DENND1A: variants seen among roughly 807,000 people sequenced by gnomAD.
DENND1A encodes the protein DENN domain containing 1A.
A neutral mutation model predicts 113.7 loss-of-function variants in DENND1A; 51 were observed. That is an observed-to-expected ratio of 0.45 (90% CI 0.36 to 0.57). The LOEUF (loss-of-function observed/expected upper bound fraction) is 0.57, where lower values mean the gene tolerates loss of function less well. Ranked by LOEUF, DENND1A falls within the 20% of genes least tolerant of loss-of-function variation. DENND1A has a pLI of 0.00. For synonymous variants in DENND1A, 565 were observed against 570.8 expected (o/e 0.99, Z 0.14); for missense variants, 1,258 against 1,395.9 (o/e 0.90, Z 1.57).
intron 19 of DENND1A, among the ~76,000 whole-genome samples, chr9:123,429,853 T>G (rs1314773534): frequency 6.6e-6 from 1 of 152,202 alleles, no homozygotes; most frequent in East Asian, 1.9e-4. Flanking sequence ...AAATGGGATC[T>G]AATTAAATTA....
chr9:123,532,463 T>C (rs1021122218), intron 13 of DENND1A, among the ~76,000 whole-genome samples: 1 of 152,222 alleles, frequency 6.6e-6, no homozygotes, highest in Non-Finnish European at 1.5e-5. Context: ...ACATTAACAT[T>C]TTGAAGAGTA....
At chr9:123,899,553 T>A (rs1488279874) in intron 1 of DENND1A, among the ~76,000 whole-genome samples, 1 of 152,210 alleles carries the variant, frequency 6.6e-6, no homozygotes, top group Non-Finnish European at 1.5e-5. Flanking sequence ...TATCACCTGC[T>A]ACTCCCTGTC....
chr9:123,409,561 C>T (rs1412430832), intron 20 of DENND1A, among the ~76,000 whole-genome samples: 2 of 151,636 alleles, frequency 1.3e-5, no homozygotes, highest in African/African-American at 4.9e-5. Flanking sequence ...GGCAAGACCA[C>T]AGGTTCTAGA....
At chr9:123,475,633 T>C (rs1293262758) in intron 13 of DENND1A, among the ~76,000 whole-genome samples, 2 of 152,254 alleles carry the variant, frequency 1.3e-5, no homozygotes, top group East Asian at 1.9e-4. Flanking sequence ...CAGAGGCTTA[T>C]TTATAAAGCA....
intron 5 of DENND1A, among the ~76,000 whole-genome samples, chr9:123,715,300 T>C (rs988564279): frequency 1.3e-5 from 2 of 152,202 alleles, no homozygotes; most frequent in African/African-American, 4.8e-5. Flanking sequence ...TTATAGACTC[T>C]GGGTTGGCAG....
intron 19 of DENND1A, among the ~76,000 whole-genome samples, chr9:123,435,283 G>A (rs963781310): frequency 6.6e-6 from 1 of 152,126 alleles, no homozygotes; most frequent in African/African-American, 2.4e-5. Context: ...TGCTAGCTCG[G>A]CATCTTCTCC....
intron 19 of DENND1A, among the ~76,000 whole-genome samples, chr9:123,417,126 AG>A (rs977258562): frequency 6.6e-6 from 1 of 152,254 alleles, no homozygotes; most frequent in African/African-American, 2.4e-5. Context: ...CAAAACTCCC[AG>A]GTTACAAGCA....
At chr9:123,421,773 G>A (rs2045325474) in intron 19 of DENND1A, among the ~76,000 whole-genome samples, 1 of 152,164 alleles carries the variant, frequency 6.6e-6, no homozygotes, top group Non-Finnish European at 1.5e-5. Flanking sequence ...AGGGAGTCCA[G>A]GACTCCTTGG....
At chr9:123,551,133 T>C (rs2057019186) in intron 13 of DENND1A, among the ~76,000 whole-genome samples, 1 of 152,222 alleles carries the variant, frequency 6.6e-6, no homozygotes, top group South Asian at 2.1e-4. Context: ...GTTTGACTGA[T>C]ATTGTTAAAT....
intron 13 of DENND1A, among the ~76,000 whole-genome samples, chr9:123,539,566 G>C (rs369825381): frequency 1.3e-5 from 2 of 152,078 alleles, no homozygotes; most frequent in Non-Finnish European, 2.9e-5. Context: ...TGGGATGAAA[G>C]GGGATTCTAG....
intron 12 of DENND1A, among the ~76,000 whole-genome samples, chr9:123,574,611 C>T (rs2058535679): frequency 6.6e-6 from 1 of 152,192 alleles, no homozygotes; most frequent in Admixed American, 6.5e-5. Context: ...TACCCAGTTT[C>T]AGTTTCCCCT....
chr9:123,671,156 C>G, intron 7 of DENND1A, 135 bp downstream of exon 7: 1 of 974,836 alleles, frequency 1.0e-6, no homozygotes, highest in South Asian at 1.4e-5. Flanking sequence ...ATCTTGAACT[C>G]AGAGGTCTCA....
At chr9:123,866,881 C>T (rs961206873) in intron 2 of DENND1A, among the ~76,000 whole-genome samples, 4 of 152,188 alleles carry the variant, frequency 2.6e-5, no homozygotes, top group African/African-American at 9.7e-5. Context: ...ATTTCAAAGT[C>T]TACAGACTGG....
chr9:123,392,519 G>T (rs1435582319), intron 21 of DENND1A, among the ~76,000 whole-genome samples: 3 of 152,076 alleles, frequency 2.0e-5, no homozygotes, highest in Non-Finnish European at 4.4e-5. Context: ...GGCAGGTGCT[G>T]ACGAGCAGGG....
At chr9:123,779,948 G>C (rs115134697) in intron 3 of DENND1A, among the ~76,000 whole-genome samples, 1,577 of 150,018 alleles carry the variant, frequency 0.011, 29 homozygotes, top group African/African-American at 0.036. Flanking sequence ...CTGCAACCCA[G>C]GGTTCAACCG....
chr9:123,806,368 G>A (rs562801588), intron 2 of DENND1A, among the ~76,000 whole-genome samples: 5 of 152,182 alleles, frequency 3.3e-5, no homozygotes, highest in South Asian at 2.1e-4. Context: ...CGATTCTCCC[G>A]CCTCAGCCTC....
At chr9:123,511,979 C>T (rs1216102358) in intron 13 of DENND1A, among the ~76,000 whole-genome samples, 8 of 151,986 alleles carry the variant, frequency 5.3e-5, no homozygotes, top group Non-Finnish European at 2.9e-5. Context: ...ACAAGGGGAA[C>T]CAAAATCAGA....
At chr9:123,385,143 G>A (rs1022636084) in intron 22 of DENND1A, among the ~76,000 whole-genome samples, 1 of 152,148 alleles carries the variant, frequency 6.6e-6, no homozygotes, top group African/African-American at 2.4e-5. Context: ...TGGAGCCCCA[G>A]TGGGAAGTGC....
chr9:123,563,511 T>C (rs1477607514), intron 12 of DENND1A, among the ~76,000 whole-genome samples: 4 of 152,208 alleles, frequency 2.6e-5, no homozygotes, highest in Admixed American at 2.0e-4. Context: ...CATGTATACA[T>C]TGTGAGGAGT....
Sources: allele counts gnomAD v4.1 joint callset (sites outside exome capture counted in the v4.1 genomes callset), GRCh38; gene constraint gnomAD v4.1.1; transcripts MANE v1.5; gene names NCBI Gene and HGNC (gene_info 2026-07-23, HGNC 2026-07-21).